The following XRCC4 variants were observed in gnomAD, a reference collection of about 807,000 sequenced individuals.
The protein encoded by XRCC4 is X-ray repair cross complementing 4.
Under a neutral mutation model 39.1 loss-of-function variants are expected in XRCC4, and 28 were observed. The ratio of observed to expected loss-of-function variants is 0.72; its 90% CI spans 0.53 to 0.98. The LOEUF (loss-of-function observed/expected upper bound fraction) is 0.98, where lower values mean the gene tolerates loss of function less well. XRCC4 is among the 50% of genes least tolerant of loss of function. The pLI is 0.00. For missense variants in XRCC4, 350 were observed against 376.4 expected (o/e 0.93, Z 0.58); for synonymous variants, 123 against 126.4 (o/e 0.97, Z 0.18).
rs200720410 is a variant in XRCC4, at chr5:83,113,623, C to CT, written c.315+2435dup. Among the ~76,000 whole-genome samples the CT allele has an allele frequency of 4.1e-3, 591 of 144,066 alleles. 5 individuals carry two copies. Among genetic ancestry groups the CT allele is most frequent in the South Asian group, 0.011 (49 of 4,536 alleles). 94.5% of individuals were successfully genotyped at this position (144,066 alleles called of 152,430 possible). ...TGCCTGGACATCCAAACATTTCTTT[C>CT]TTTTTTTTTTTTTTTGAGACGGAGT... On this transcript the variant is annotated intron_variant, in intron 3 of 7. Coordinates refer to ENST00000396027, the MANE Select transcript of XRCC4 (RefSeq NM_003401.5).
chr5:83,151,896 T>G (rs889354347), intron 3 of XRCC4, among the ~76,000 whole-genome samples: 1 of 152,240 alleles, frequency 6.6e-6, no homozygotes, highest in Non-Finnish European at 1.5e-5. Flanking sequence ...TTCAATACTA[T>G]GCTTCATTAA....
intron 7 of XRCC4, 162 bp downstream of exon 7, chr5:83,258,839 T>C (rs1385032393): frequency 4.3e-6 from 4 of 928,954 alleles, no homozygotes; most frequent in Non-Finnish European, 6.1e-6. Context: ...TGTTTCAGTA[T>C]TTGGTTAATT....
At chr5:83,119,464 A>G (rs992505993) in intron 3 of XRCC4, among the ~76,000 whole-genome samples, 3 of 152,252 alleles carry the variant, frequency 2.0e-5, no homozygotes, top group African/African-American at 7.2e-5. Flanking sequence ...CATTAAAAGT[A>G]TACGTTTTCT....
the XRCC4 span, among the ~76,000 whole-genome samples, chr5:83,359,686 CAG>C: frequency 9.2e-5 from 14 of 152,204 alleles, no homozygotes; most frequent in South Asian, 1.7e-3. Flanking sequence ...AATAAGGAAA[CAG>C]AATACATTCT....
intron 7 of XRCC4, among the ~76,000 whole-genome samples, chr5:83,272,302 C>G (rs536486713): frequency 1.3e-3 from 205 of 152,202 alleles, no homozygotes; most frequent in Middle Eastern, 6.8e-3. Context: ...AGTCATACCC[C>G]CCCAAACCCT....
At chr5:83,153,160 A>G (rs774493725) in intron 3 of XRCC4, among the ~76,000 whole-genome samples, 1 of 151,930 alleles carries the variant, frequency 6.6e-6, no homozygotes, top group Admixed American at 6.6e-5. Flanking sequence ...TTCACTCAGC[A>G]TAATTCCCTT....
chr5:83,235,857 T>C (rs1185003057), intron 6 of XRCC4, among the ~76,000 whole-genome samples: 4 of 152,160 alleles, frequency 2.6e-5, no homozygotes, highest in South Asian at 4.1e-4. Flanking sequence ...TTAGAACTGA[T>C]AAATTCAGGA....
At chr5:83,355,226 C>T (rs1757176592), downstream of XRCC4, among the ~76,000 whole-genome samples, 1 of 152,180 alleles carries the variant, frequency 6.6e-6, no homozygotes, top group Non-Finnish European at 1.5e-5. Flanking sequence ...CTCAGGGGTG[C>T]ATTCCCTGAA....
At chr5:83,315,246 G>A in intron 7 of XRCC4, among the ~76,000 whole-genome samples, 1 of 152,102 alleles carries the variant, frequency 6.6e-6, no homozygotes. Flanking sequence ...ATTCTGTGAA[G>A]GCTGAGAGAG....
At chr5:83,359,749 G>A in the XRCC4 span, among the ~76,000 whole-genome samples, 13 of 152,166 alleles carry the variant, frequency 8.5e-5, no homozygotes, top group South Asian at 2.1e-4. Flanking sequence ...CAAGTTTGTC[G>A]CAAGTTAACA....
chr5:83,190,261 G>A (rs1437587643), intron 3 of XRCC4, among the ~76,000 whole-genome samples: 1 of 151,948 alleles, frequency 6.6e-6, no homozygotes, highest in African/African-American at 2.4e-5. Flanking sequence ...TCAATTTCCT[G>A]TATTACTAGA....
intron 1 of XRCC4, among the ~76,000 whole-genome samples, chr5:83,084,609 C>T (rs1240941317): frequency 6.6e-6 from 1 of 152,042 alleles, no homozygotes; most frequent in East Asian, 1.9e-4. Flanking sequence ...TTGGGAAATC[C>T]CAGAGTGTTT....
intron 7 of XRCC4, among the ~76,000 whole-genome samples, chr5:83,290,100 A>ATTT (rs1754866180): frequency 6.6e-6 from 1 of 151,710 alleles, no homozygotes; most frequent in Admixed American, 6.6e-5. Flanking sequence ...ACCACATCTC[A>ATTT]GTTGTGACTC....
Position 83,247,490 on chromosome 5 carries a change from G to A in XRCC4, c.746-11040G>A, listed in dbSNP as rs115303305. ...GAAACCCTGTTCCTGGTGCCAAAAAGGTTGGGGACTGTTGTCTTAGAGGAA... is the reference window on the plus strand; with the variant it reads ...GAAACCCTGTTCCTGGTGCCAAAAAAGTTGGGGACTGTTGTCTTAGAGGAA... On this transcript the variant is annotated intron_variant, in intron 6 of 7. Transcript: ENST00000396027. 3.0e-3 allele frequency among the ~76,000 whole-genome samples: 456 copies of A among 152,224 alleles called. 3 individuals carry two copies. The highest frequency in any genetic ancestry group is 0.01 in the African/African-American group (426 of 41,522).
At chr5:83,152,400 G>A (rs184969280) in intron 3 of XRCC4, among the ~76,000 whole-genome samples, 2 of 152,212 alleles carry the variant, frequency 1.3e-5, no homozygotes, top group East Asian at 1.9e-4. Context: ...TTGGGAGGCC[G>A]AGGCGGGTGG....
chr5:83,091,189 A>G (rs972842931), intron 1 of XRCC4, among the ~76,000 whole-genome samples: 1 of 152,166 alleles, frequency 6.6e-6, no homozygotes, highest in East Asian at 1.9e-4. Flanking sequence ...ACTGCCTAAG[A>G]CTAGGTAAAT....
chr5:83,145,898 A>G (rs1748430924), intron 3 of XRCC4, among the ~76,000 whole-genome samples: 1 of 150,214 alleles, frequency 6.7e-6, no homozygotes, highest in Non-Finnish European at 1.5e-5. Context: ...TGAGTTTATA[A>G]TTGTTATCTA....
intron 3 of XRCC4, among the ~76,000 whole-genome samples, chr5:83,116,621 T>G (rs867063806): frequency 0.33 from 41,919 of 125,912 alleles, 8,026 homozygotes; most frequent in South Asian, 0.48. Flanking sequence ...TTTTTTTTTT[T>G]TTTTTTTTTT....
chr5:83,340,245 C>T (rs1353709488), intron 7 of XRCC4, among the ~76,000 whole-genome samples: 1 of 139,454 alleles, frequency 7.2e-6, no homozygotes, highest in Non-Finnish European at 1.5e-5. Context: ...AATAATTGGG[C>T]CCTAATAACA....
Sources: gnomAD v4.1 joint callset for allele counts (sites outside exome capture counted in the v4.1 genomes callset) on GRCh38, gnomAD v4.1.1 for gene constraint, MANE v1.5 for transcripts, NCBI Gene and HGNC (gene_info 2026-07-23, HGNC 2026-07-21) for gene names.